TAFA4: variants seen among roughly 807,000 people sequenced by gnomAD.
TAFA4 encodes the protein chemokine-like protein TAFA-4.
TAFA4 carries 20 observed loss-of-function variants against 21.1 expected under a neutral mutation model. The ratio of observed to expected loss-of-function variants is 0.95; its 90% CI spans 0.67 to 1.38. The LOEUF (loss-of-function observed/expected upper bound fraction) is 1.38, where lower values mean the gene tolerates loss of function less well. Among genes scored for constraint, TAFA4 ranks in the 40% most tolerant of loss-of-function variants. The pLI is 0.00. For missense variants in TAFA4, 211 were observed against 180.9 expected (o/e 1.17, Z -0.95); for synonymous variants, 71 against 67.4 (o/e 1.05, Z -0.26).
chr3:68,817,394 A>C (rs1418521186), intron 3 of TAFA4, among the ~76,000 whole-genome samples: 2 of 152,126 alleles, frequency 1.3e-5, no homozygotes, highest in African/African-American at 4.8e-5. Context: ...AATTCCTCAT[A>C]GTCATCCATG....
intron 1 of TAFA4, among the ~76,000 whole-genome samples, chr3:68,904,207 T>C (rs2089874303): frequency 6.6e-6 from 1 of 152,212 alleles, no homozygotes; most frequent in Non-Finnish European, 1.5e-5. Flanking sequence ...TCAGAAAGCC[T>C]ATTTCAAAGC....
chr3:68,756,965 A>G (rs1225537546), intron 3 of TAFA4, among the ~76,000 whole-genome samples: 2 of 152,168 alleles, frequency 1.3e-5, no homozygotes, highest in Non-Finnish European at 2.9e-5. Flanking sequence ...CAAATCAGCA[A>G]CTTTCAGTCA....
At chr3:68,860,055 T>G (rs2089313410) in intron 3 of TAFA4, among the ~76,000 whole-genome samples, 1 of 152,116 alleles carries the variant, frequency 6.6e-6, no homozygotes, top group Admixed American at 6.6e-5. Flanking sequence ...GTGTTGGAGC[T>G]TTTTAACCTA....
chr3:68,750,975 C>T (rs1432189368), intron 4 of TAFA4, among the ~76,000 whole-genome samples: 1 of 152,118 alleles, frequency 6.6e-6, no homozygotes, highest in Admixed American at 6.6e-5. Flanking sequence ...TACGTTTTTA[C>T]AATAACATGG....
rs1354115203 is a variant in TAFA4 at position 68,884,321 on chromosome 3, C to T, written c.14+854G>A. On this transcript the variant is annotated intron_variant, in intron 2 of 5. Transcript: ENST00000295569. ...CCTGGAGAATAGGAAAAGGGATAGGCCAGGACATTTCTCCCCGCCTTCTCT... is the reference window on the plus strand; with the variant it reads ...CCTGGAGAATAGGAAAAGGGATAGGTCAGGACATTTCTCCCCGCCTTCTCT... Among the ~76,000 whole-genome samples, 7 of 152,152 alleles carry T rather than the reference C, an allele frequency of 4.6e-5. No individual in the cohort carries two copies. The East Asian group carries it at 1.4e-3, about 29-fold the overall frequency.
chr3:68,867,089 C>A (rs1040030139), intron 3 of TAFA4, among the ~76,000 whole-genome samples: 25 of 151,960 alleles, frequency 1.6e-4, no homozygotes, highest in African/African-American at 6.0e-4. Flanking sequence ...TCAGAGATCA[C>A]CAAATATAAC....
intron 3 of TAFA4, among the ~76,000 whole-genome samples, chr3:68,873,098 G>A (rs1459317631): frequency 6.6e-6 from 1 of 151,946 alleles, no homozygotes. Context: ...AATTAGTAGG[G>A]TTCAAACTTA....
chr3:68,907,065 TG>T (rs1158935906), intron 1 of TAFA4, among the ~76,000 whole-genome samples: 1 of 86,424 alleles, frequency 1.2e-5, no homozygotes, highest in African/African-American at 4.4e-5. Context: ...AAGCCAGGGG[TG>T]GAAGGGGAGA....
chr3:68,882,474 G>A (rs1476991574), intron 2 of TAFA4, among the ~76,000 whole-genome samples: 1 of 152,162 alleles, frequency 6.6e-6, no homozygotes, highest in Non-Finnish European at 1.5e-5. Context: ...GGTCGCAGCT[G>A]CCCCTAGAAG....
intron 2 of TAFA4, among the ~76,000 whole-genome samples, chr3:68,883,371 C>G (rs763340886): frequency 2.0e-5 from 3 of 152,206 alleles, no homozygotes; most frequent in Non-Finnish European, 4.4e-5. Context: ...AAGGCTCAGT[C>G]CCCTTTTAGG....
chr3:68,816,465 G>C (rs1372237101), intron 3 of TAFA4, among the ~76,000 whole-genome samples: 1 of 151,970 alleles, frequency 6.6e-6, no homozygotes, highest in Non-Finnish European at 1.5e-5. Flanking sequence ...TATATTTTTT[G>C]TAGCTACTAT....
intron 3 of TAFA4, among the ~76,000 whole-genome samples, chr3:68,798,314 A>G (rs1703496725): frequency 6.6e-6 from 1 of 152,210 alleles, no homozygotes; most frequent in African/African-American, 2.4e-5. Context: ...TTATAAATCT[A>G]AAAATATAAG....
intron 3 of TAFA4, among the ~76,000 whole-genome samples, chr3:68,784,170 A>C (rs1703206629): frequency 6.6e-6 from 1 of 152,246 alleles, no homozygotes; most frequent in Admixed American, 6.5e-5. Context: ...CTGACTAGCA[A>C]TTTTGAAAAG....
chr3:68,778,977 G>A (rs1703101021), intron 3 of TAFA4, among the ~76,000 whole-genome samples: 1 of 152,196 alleles, frequency 6.6e-6, no homozygotes, highest in Non-Finnish European at 1.5e-5. Context: ...CTAAAGACTT[G>A]TTGAATGGCT....
chr3:68,780,060 G>A (rs1414668305), intron 3 of TAFA4, among the ~76,000 whole-genome samples: 1 of 152,174 alleles, frequency 6.6e-6, no homozygotes, highest in East Asian at 1.9e-4. Context: ...ATATCATTTT[G>A]GAGCTTTAAG....
chr3:68,865,129 G>C (rs915111735), intron 3 of TAFA4, among the ~76,000 whole-genome samples: 1 of 152,058 alleles, frequency 6.6e-6, no homozygotes, highest in African/African-American at 2.4e-5. Context: ...TACCTTAATA[G>C]AGCTGTTAAA....
chr3:68,760,078 A>C (rs1042035164), intron 3 of TAFA4, among the ~76,000 whole-genome samples: 3 of 152,158 alleles, frequency 2.0e-5, no homozygotes, highest in Admixed American at 6.5e-5. Flanking sequence ...TCAAAAAAGA[A>C]GACTTAAAAT....
intron 3 of TAFA4, among the ~76,000 whole-genome samples, chr3:68,757,723 C>T (rs765771534): frequency 1.3e-5 from 2 of 152,150 alleles, no homozygotes; most frequent in Non-Finnish European, 2.9e-5. Flanking sequence ...ATTATTTATA[C>T]AGCACCAACT....
At chr3:68,852,059 C>T (rs1704964004) in intron 3 of TAFA4, among the ~76,000 whole-genome samples, 2 of 152,130 alleles carry the variant, frequency 1.3e-5, no homozygotes, top group African/African-American at 4.8e-5. Flanking sequence ...GGCCAAAGAC[C>T]ACACTTTAAC....
Sources: allele counts gnomAD v4.1 joint callset (sites outside exome capture counted in the v4.1 genomes callset), GRCh38; gene constraint gnomAD v4.1.1; transcripts MANE v1.5; gene names NCBI Gene and HGNC (gene_info 2026-07-23, HGNC 2026-07-21).